The following DOCK3 variants were observed in gnomAD, a reference collection of about 807,000 sequenced individuals.
DOCK3 encodes dedicator of cytokinesis 3.
DOCK3 carries 60 observed loss-of-function variants against 265.6 expected under a neutral mutation model. The observed-to-expected ratio is 0.23, with a 90% CI of 0.18 to 0.28. DOCK3 has a LOEUF of 0.28. Ranked by LOEUF, DOCK3 falls within the 10% of genes least tolerant of loss-of-function variation. The pLI, the probability that DOCK3 is intolerant of heterozygous loss-of-function variation, is 1.00. For missense variants in DOCK3, 1,981 were observed against 2,594.3 expected (o/e 0.76, Z 5.14); for synonymous variants, 881 against 938.0 (o/e 0.94, Z 1.11).
At chr3:51,152,949 G>A (rs529206345) in intron 10 of DOCK3, among the ~76,000 whole-genome samples, 24 of 152,328 alleles carry the variant, frequency 1.6e-4, no homozygotes, top group Middle Eastern at 3.4e-3. Context: ...TAGGCTACAC[G>A]AGGGTCAGGG....
intron 9 of DOCK3, among the ~76,000 whole-genome samples, chr3:51,146,044 G>C (rs546186037): frequency 6.6e-6 from 1 of 152,194 alleles, no homozygotes; most frequent in African/African-American, 2.4e-5. Context: ...CCTGCTGTGC[G>C]GCCCAGTTCC....
intron 3 of DOCK3, among the ~76,000 whole-genome samples, chr3:50,846,856 T>C (rs1354115875): frequency 6.6e-6 from 1 of 152,146 alleles, no homozygotes; most frequent in African/African-American, 2.4e-5. Context: ...TGGGATTGGC[T>C]ATAATGTCAC....
chr3:50,971,085 C>A (rs1386071503), intron 5 of DOCK3, among the ~76,000 whole-genome samples: 2 of 146,394 alleles, frequency 1.4e-5, no homozygotes, highest in South Asian at 4.3e-4. Context: ...TGGCTTTGTC[C>A]TCCCAAAGTG....
chr3:50,756,123 G>C (rs1395431144), intron 1 of DOCK3, among the ~76,000 whole-genome samples: 4 of 152,196 alleles, frequency 2.6e-5, no homozygotes, highest in Non-Finnish European at 5.9e-5. Flanking sequence ...CTTGGGGTGG[G>C]CTGTCTGCAT....
intron 5 of DOCK3, among the ~76,000 whole-genome samples, chr3:50,945,963 A>C (rs2076415492): frequency 6.6e-6 from 1 of 151,984 alleles, no homozygotes; most frequent in Non-Finnish European, 1.5e-5. Context: ...GTAGTGGCTC[A>C]TTTCTGTAAT....
chr3:50,765,029 T>G (rs1209962306), intron 1 of DOCK3, among the ~76,000 whole-genome samples: 1 of 150,688 alleles, frequency 6.6e-6, no homozygotes, highest in African/African-American at 2.4e-5. Context: ...CCCAAAGTGC[T>G]GGGATTATGG....
At chr3:50,954,763 A>G (rs2076684927) in intron 5 of DOCK3, among the ~76,000 whole-genome samples, 1 of 151,982 alleles carries the variant, frequency 6.6e-6, no homozygotes, top group Admixed American at 6.6e-5. Context: ...TTTTCTCCCA[A>G]TCTATAGGTT....
intron 1 of DOCK3, among the ~76,000 whole-genome samples, chr3:50,729,103 T>A (rs1325801757): frequency 6.8e-6 from 1 of 146,050 alleles, no homozygotes; most frequent in Non-Finnish European, 1.5e-5. Context: ...GGTGGATCAC[T>A]TGAGCTCAGG....
rs545439640 is a variant in DOCK3, at chr3:50,908,089, T to C, written c.218+18008T>C. Among the ~76,000 whole-genome samples the C allele has an allele frequency of 3.3e-5, 5 of 152,082 alleles. No homozygotes were observed. The South Asian group carries it at 1.0e-3, about 32-fold the overall frequency. On this transcript the variant is annotated intron_variant, in intron 4 of 52. Transcript: ENST00000266037. Reference sequence around the variant, plus strand: ...ATATCCCTGTTATCATTAATAATTGTGTCTATTTGATTCTCATTTTTATTA... The same window carrying C: ...ATATCCCTGTTATCATTAATAATTGCGTCTATTTGATTCTCATTTTTATTA...
chr3:51,280,041 A>G lies in DOCK3; in HGVS notation c.2824-65A>G, dbSNP rs1430668134. ...ACCCTCCCTTCTCTCCTTGCCCTCT[A>G]TGGATTGGGGGAACACAGCCCTTGC... On this transcript the variant is annotated intron_variant, in intron 26 of 52. Transcript: ENST00000266037. 49 of 1,354,360 alleles carry G rather than the reference A, an allele frequency of 3.6e-5. No homozygotes were observed. In the East Asian group the frequency reaches 4.9e-4, roughly 14 times the overall value. 83.9% of individuals were successfully genotyped at this position (1,354,360 alleles called of 1,614,324 possible).
intron 5 of DOCK3, among the ~76,000 whole-genome samples, chr3:51,019,501 G>T (rs2079496492): frequency 6.6e-6 from 1 of 151,746 alleles, no homozygotes; most frequent in African/African-American, 2.4e-5. Context: ...TGGGGTACAT[G>T]TGCAGGATAT....
chr3:50,960,769 G>T (rs2076864156), intron 5 of DOCK3, among the ~76,000 whole-genome samples: 1 of 151,882 alleles, frequency 6.6e-6, no homozygotes, highest in African/African-American at 2.4e-5. Context: ...TCTAACCCAA[G>T]GTCACTCTAT....
chr3:51,242,249 GC>G (rs2078642886), intron 21 of DOCK3, among the ~76,000 whole-genome samples: 1 of 152,076 alleles, frequency 6.6e-6, no homozygotes, highest in Non-Finnish European at 1.5e-5. Context: ...CTGGTATTGG[GC>G]CCCAGCTTTG....
chr3:50,876,313 T>G (rs1367897436), intron 3 of DOCK3, among the ~76,000 whole-genome samples: 4 of 152,168 alleles, frequency 2.6e-5, no homozygotes, highest in South Asian at 2.1e-4. Flanking sequence ...CTTCCATACT[T>G]AAGTATCTTT....
rs565655321 is a variant in DOCK3 at position 50,796,209 on chromosome 3, T to C, written c.121+17451T>C. On this transcript the variant is annotated intron_variant, in intron 2 of 52. Transcript: ENST00000266037. ...GCGCCCACCACCATGCCCAGCTAAT[T>C]TTTTTTTGTATTTTTAGTAGAGACG... is the stretch of plus-strand genomic sequence containing the variant. Among the ~76,000 whole-genome samples the C allele has an allele frequency of 8.2e-4, 123 of 150,402 alleles. No homozygotes were observed. In the East Asian group the frequency reaches 0.023, roughly 28 times the overall value.
At position 51,239,199 on chromosome 3, in the gene DOCK3, T is replaced by TTTTTTTTATTTATTTATTTA. The variant is rs1553805828; in HGVS notation, c.2102+1612_2102+1613insTTTTATTTATTTATTTATTT. ...TTGTACCCCAAAGATAAAGCGTACT[T>TTTTTTTTATTTATTTATTTA]TTTATTTATTTATTTATTTATTTAT... On this transcript the variant is annotated intron_variant, in intron 21 of 52. Coordinates refer to ENST00000266037, the MANE Select transcript of DOCK3 (RefSeq NM_004947.5). Among the ~76,000 whole-genome samples the TTTTTTTTATTTATTTATTTA allele has an allele frequency of 9.5e-5, 14 of 146,716 alleles. No individual in the cohort carries two copies. In the East Asian group the frequency reaches 1.8e-3, roughly 19 times the overall value.
At chr3:51,273,690 T>C (rs1195353606) in intron 24 of DOCK3, among the ~76,000 whole-genome samples, 1 of 152,246 alleles carries the variant, frequency 6.6e-6, no homozygotes, top group Non-Finnish European at 1.5e-5. Flanking sequence ...AAATCTCTTA[T>C]ATGTCATGTA....
At chr3:51,018,730 C>G (rs1000802850) in intron 5 of DOCK3, among the ~76,000 whole-genome samples, 1 of 151,790 alleles carries the variant, frequency 6.6e-6, no homozygotes, top group Non-Finnish European at 1.5e-5. Flanking sequence ...ACAGGTATGG[C>G]ATTTTCCACT....
intron 5 of DOCK3, among the ~76,000 whole-genome samples, chr3:50,969,318 T>C (rs1450051484): frequency 6.6e-6 from 1 of 152,174 alleles, no homozygotes; most frequent in African/African-American, 2.4e-5. Context: ...TGGTTTCTGT[T>C]GGCATGGTAT....
Sources: allele counts gnomAD v4.1 joint callset (sites outside exome capture counted in the v4.1 genomes callset), GRCh38; gene constraint gnomAD v4.1.1; transcripts MANE v1.5; gene names NCBI Gene and HGNC (gene_info 2026-07-23, HGNC 2026-07-21).